Variants in ANKRD31 observed in about 807,000 individuals in gnomAD.
The protein encoded by ANKRD31 is ankyrin repeat domain-containing protein 31.
A neutral mutation model predicts 186.0 loss-of-function variants in ANKRD31; 147 were observed. The observed-to-expected ratio is 0.79, with a 90% CI of 0.69 to 0.91. The LOEUF (loss-of-function observed/expected upper bound fraction) is 0.91, where lower values mean the gene tolerates loss of function less well. ANKRD31 is among the 40% of genes least tolerant of loss of function. The pLI, the probability that ANKRD31 is intolerant of heterozygous loss-of-function variation, is 0.00. For synonymous variants in ANKRD31, 673 were observed against 736.4 expected (o/e 0.91, Z 1.39); for missense variants, 1,986 against 2,148.8 (o/e 0.92, Z 1.50).
chr5:75,201,077 C>A (rs1370008350), intron 5 of ANKRD31, among the ~76,000 whole-genome samples: 1 of 152,046 alleles, frequency 6.6e-6, no homozygotes, highest in Non-Finnish European at 1.5e-5. Context: ...ATCTGCTGAA[C>A]CTCAAAATGC....
chr5:75,223,091 C>G (rs1262371720), intron 2 of ANKRD31, among the ~76,000 whole-genome samples: 1 of 152,180 alleles, frequency 6.6e-6, no homozygotes, highest in Admixed American at 6.5e-5. Flanking sequence ...TTCTTCACAG[C>G]CTTGACAGCA....
At chr5:75,184,017 T>A (rs1202189013) in intron 10 of ANKRD31, among the ~76,000 whole-genome samples, 1 of 152,076 alleles carries the variant, frequency 6.6e-6, no homozygotes, top group Non-Finnish European at 1.5e-5. Context: ...TTAGCTCTAT[T>A]AATGAGAAGA....
At chr5:75,100,307 T>G (rs1261612153) in intron 22 of ANKRD31, among the ~76,000 whole-genome samples, 1 of 152,236 alleles carries the variant, frequency 6.6e-6, no homozygotes, top group African/African-American at 2.4e-5. Flanking sequence ...ATAAATTCCA[T>G]TCTTTTACAT....
intron 17 of ANKRD31, among the ~76,000 whole-genome samples, chr5:75,131,801 T>G (rs1192251563): frequency 6.6e-6 from 1 of 152,148 alleles, no homozygotes; most frequent in African/African-American, 2.4e-5. Context: ...GGTGTCCCTC[T>G]GAGACAAAGC....
intron 17 of ANKRD31, among the ~76,000 whole-genome samples, chr5:75,134,500 TC>T (rs1396268455): frequency 2.0e-5 from 3 of 151,936 alleles, no homozygotes; most frequent in African/African-American, 7.3e-5. Flanking sequence ...AATAACAGGC[TC>T]TGAAATTGAG....
rs1004289018 is a variant in ANKRD31 at position 75,105,291 on chromosome 5, A to G, written c.4341-73T>C. ...TTTTCAAAGCGGTCACTTAGAGGTT[A>G]AAGATACTTTGTCTCCAAATTTTAA... On this transcript the variant is annotated intron_variant, in intron 21 of 25. Transcript: ENST00000506364. 4 of 1,361,486 alleles carry G rather than the reference A, an allele frequency of 2.9e-6. No individual in the cohort carries two copies. The Admixed American group carries it at 9.4e-5, about 32-fold the overall frequency. The allele number at this position is 1,361,486 out of a possible 1,614,324, so 84.3% of individuals were successfully genotyped here. A position where few individuals can be genotyped will look rare whatever the true frequency, so the allele number is the denominator to read the frequency against.
At chr5:75,079,346 A>G (rs190373249) in intron 25 of ANKRD31, among the ~76,000 whole-genome samples, 73 of 152,342 alleles carry the variant, frequency 4.8e-4, no homozygotes, top group African/African-American at 1.4e-3. Context: ...CTCTAATTCA[A>G]TAAGTTTAGG....
intron 21 of ANKRD31, among the ~76,000 whole-genome samples, chr5:75,107,164 G>A (rs1413045204): frequency 6.6e-6 from 1 of 151,908 alleles, no homozygotes; most frequent in Non-Finnish European, 1.5e-5. Context: ...TGCTTAGAAG[G>A]ACGTTTGTGA....
chr5:75,077,823 G>C (rs1299297870), intron 25 of ANKRD31, among the ~76,000 whole-genome samples: 2 of 151,726 alleles, frequency 1.3e-5, no homozygotes, highest in Admixed American at 1.3e-4. Flanking sequence ...TACTCGGGAG[G>C]CTGAGGCAGG....
At chr5:75,192,987 C>A (rs1050443877) in intron 8 of ANKRD31, among the ~76,000 whole-genome samples, 2 of 152,058 alleles carry the variant, frequency 1.3e-5, no homozygotes, top group African/African-American at 4.8e-5. Context: ...CCTCTCTTTG[C>A]GCGACCTGTG....
intron 24 of ANKRD31, among the ~76,000 whole-genome samples, chr5:75,082,487 T>G (rs2150015754): frequency 6.6e-6 from 1 of 152,286 alleles, no homozygotes; most frequent in Non-Finnish European, 1.5e-5. Flanking sequence ...ATAACTGTAG[T>G]TATGGCTGTT....
At chr5:75,217,496 G>C (rs376268283) in intron 3 of ANKRD31, among the ~76,000 whole-genome samples, 6 of 152,044 alleles carry the variant, frequency 3.9e-5, no homozygotes, top group East Asian at 3.9e-4. Flanking sequence ...TCTTGCTATG[G>C]ACTAGGGAAG....
intron 2 of ANKRD31, among the ~76,000 whole-genome samples, chr5:75,224,129 T>TTTTATATATA (rs1757467689): frequency 4.7e-5 from 5 of 105,752 alleles, no homozygotes; most frequent in Non-Finnish European, 9.5e-5. Context: ...TCAGAAATAA[T>TTTTATATATA]TATATATATA....
At chr5:75,177,357 C>T (rs1753893147) in intron 10 of ANKRD31, among the ~76,000 whole-genome samples, 1 of 152,134 alleles carries the variant, frequency 6.6e-6, no homozygotes, top group African/African-American at 2.4e-5. Flanking sequence ...GGTGGGCCAA[C>T]ATTCAAATTC....
intron 25 of ANKRD31, among the ~76,000 whole-genome samples, chr5:75,074,565 C>T (rs938376197): frequency 3.3e-5 from 5 of 152,066 alleles, no homozygotes; most frequent in Non-Finnish European, 7.4e-5. Flanking sequence ...AAATCTGAGC[C>T]GACTAGGATA....
At chr5:75,159,606 G>T (rs1752435812) in intron 11 of ANKRD31, among the ~76,000 whole-genome samples, 1 of 151,366 alleles carries the variant, frequency 6.6e-6, no homozygotes, top group East Asian at 1.9e-4. Context: ...AAAAAAAACT[G>T]CCAAGCAAGA....
intron 12 of ANKRD31, among the ~76,000 whole-genome samples, 192 bp from the exon 13 acceptor site, chr5:75,148,820 A>T (rs1751664071): frequency 6.6e-6 from 1 of 151,910 alleles, no homozygotes; most frequent in Non-Finnish European, 1.5e-5. Flanking sequence ...ATCTTAAGAG[A>T]GCTAAAATAT....
chr5:75,148,770 T>C, intron 12 of ANKRD31, 142 bp from the exon 13 acceptor site: 3 of 543,342 alleles, frequency 5.5e-6, no homozygotes, highest in Non-Finnish European at 9.5e-6. Flanking sequence ...AATTGGCACA[T>C]ACAACATTCC....
intron 12 of ANKRD31, among the ~76,000 whole-genome samples, chr5:75,151,367 C>A (rs1173684402): frequency 6.6e-6 from 1 of 151,968 alleles, no homozygotes; most frequent in Non-Finnish European, 1.5e-5. Context: ...CTCCCATAAT[C>A]CCCATGTGTC....
Sources: allele counts gnomAD v4.1 joint callset (sites outside exome capture counted in the v4.1 genomes callset), GRCh38; gene constraint gnomAD v4.1.1; transcripts MANE v1.5; gene names NCBI Gene and HGNC (gene_info 2026-07-23, HGNC 2026-07-21).